AP1G1: variants seen among roughly 807,000 people sequenced by gnomAD.
The protein encoded by AP1G1 is adaptor related protein complex 1 subunit gamma 1.
In AP1G1, 7 loss-of-function variants were observed where a neutral mutation model predicts 108.3. The ratio of observed to expected loss-of-function variants is 0.06; its 90% CI spans 0.04 to 0.12. The LOEUF (loss-of-function observed/expected upper bound fraction) is 0.12. Among genes scored for constraint, AP1G1 ranks in the 10% least tolerant of loss-of-function variants. The pLI, the probability that AP1G1 is intolerant of heterozygous loss-of-function variation, is 1.00. For synonymous variants in AP1G1, 379 were observed against 353.5 expected, an observed-to-expected ratio of 1.07 and a Z score of -0.81; for missense variants, 756 against 1,010.7, an observed-to-expected ratio of 0.75 and a Z score of 3.42.
rs538432343 is a variant in AP1G1 at position 71,799,192 on chromosome 16, T to A, written c.-4+9571A>T. ...CAGTGGTTTCATGATATGGAGAAGT[T>A]ACTGCTATTTGGGATGAAAATTATG... On this transcript the variant is annotated intron_variant, in intron 1 of 22. Coordinates refer to ENST00000299980, the MANE Select transcript of AP1G1 (RefSeq NM_001128.6). 2.6e-5 allele frequency among the ~76,000 whole-genome samples: 4 copies of A among 152,294 alleles called. No homozygotes were observed. The South Asian group carries it at 8.3e-4, about 32-fold the overall frequency.
At chr16:71,735,850 T>C (rs377167618) in intron 21 of AP1G1, among the ~76,000 whole-genome samples, 2 of 151,088 alleles carry the variant, frequency 1.3e-5, no homozygotes, top group African/African-American at 4.9e-5. Flanking sequence ...TGTACAGATA[T>C]ATTACACTGG....
chr16:71,773,973 T>TA (rs2031673594), intron 3 of AP1G1, among the ~76,000 whole-genome samples: 1 of 149,218 alleles, frequency 6.7e-6, no homozygotes. Context: ...TTTCACCACA[T>TA]TGGCCAGGCT....
At chr16:71,769,049 G>C (rs569999608) in intron 6 of AP1G1, among the ~76,000 whole-genome samples, 8 of 146,236 alleles carry the variant, frequency 5.5e-5, no homozygotes, top group African/African-American at 2.0e-4. Context: ...TTGGGAGGCT[G>C]AGGCGGGCTG....
chr16:71,748,257 G>A lies in AP1G1; in HGVS notation c.1619C>T (p.Thr540Ile). The A allele has an allele frequency of 1.9e-6, 3 of 1,613,718 alleles. No individual in the cohort carries two copies. The highest frequency in any genetic ancestry group is 2.5e-6 in the Non-Finnish European group (3 of 1,179,914). Residue 540 changes from threonine (T) to isoleucine (I), a missense_variant, in exon 16 of 23, where the codon ACT becomes ATT. Around this residue, in one of 3 missense-constraint regions of AP1G1, gnomAD observed 357 missense variants for 366.5 expected, o/e 0.97. Coordinates refer to ENST00000299980, the MANE Select transcript of AP1G1 (RefSeq NM_001128.6). ...ATGTTTCTTCAATACTCACTTTACA[G>A]TACAAGTGAATCGAGTGGAAAGCTT... Reference protein sequence around the residue: ...IMKLSTRFTCTVNRIKKVVSI... With the variant: ...IMKLSTRFTCIVNRIKKVVSI...
chr16:71,762,727 G>A (rs778128389), intron 9 of AP1G1, among the ~76,000 whole-genome samples: 2 of 152,158 alleles, frequency 1.3e-5, no homozygotes, highest in Non-Finnish European at 2.9e-5. Flanking sequence ...CTTCCATCTG[G>A]CTGTTCATCT....
intron 1 of AP1G1, among the ~76,000 whole-genome samples, chr16:71,795,946 C>G (rs2032570939): frequency 6.6e-6 from 1 of 152,172 alleles, no homozygotes. Flanking sequence ...GAGATTAAAT[C>G]TGGGGATAGG....
At chr16:71,792,788 A>G (rs1006455528) in intron 1 of AP1G1, among the ~76,000 whole-genome samples, 10 of 151,750 alleles carry the variant, frequency 6.6e-5, no homozygotes, top group African/African-American at 1.5e-4. Flanking sequence ...CGGGAAGTGG[A>G]GATTGCAGTG....
At chr16:71,785,330 A>C (rs1298104557) in intron 2 of AP1G1, among the ~76,000 whole-genome samples, 1 of 152,192 alleles carries the variant, frequency 6.6e-6, no homozygotes, top group Admixed American at 6.5e-5. Context: ...TAATTCCAGC[A>C]CTTTGGGAGG....
At chr16:71,805,285 T>G (rs2032959192) in intron 1 of AP1G1, among the ~76,000 whole-genome samples, 1 of 151,826 alleles carries the variant, frequency 6.6e-6, no homozygotes, top group African/African-American at 2.4e-5. Context: ...CCGCCTCTAC[T>G]AAAAATACAA....
chr16:71,762,889 G>A (rs1465900900), intron 9 of AP1G1, among the ~76,000 whole-genome samples: 1 of 152,198 alleles, frequency 6.6e-6, no homozygotes, highest in East Asian at 1.9e-4. Flanking sequence ...TCTGAGCTTG[G>A]GAGTGGCATC....
Position 71,808,752 on chromosome 16 carries a change from G to C in AP1G1, c.-4+11C>G. The C allele has an allele frequency of 2.3e-6, 3 of 1,289,442 alleles. No individual in the cohort carries two copies. The highest frequency in any genetic ancestry group is 2.5e-5 in the South Asian group (2 of 81,014). The allele number at this position is 1,289,442 out of a possible 1,614,324, so 79.9% of individuals were successfully genotyped here. A position where few individuals can be genotyped will look rare whatever the true frequency, so the allele number is the denominator to read the frequency against. On this transcript the variant is annotated intron_variant, in intron 1 of 22. Transcript: ENST00000299980. ...CAGCAATATGCTCTCAGCGCCGGGA[G>C]TGACACTCACCGGCCCGAAACCTCG...
chr16:71,737,018 T>G (rs1012363008), intron 21 of AP1G1, among the ~76,000 whole-genome samples: 4 of 152,152 alleles, frequency 2.6e-5, no homozygotes, highest in Admixed American at 1.3e-4. Context: ...GTAACAAGTA[T>G]AAAACCTAAG....
chr16:71,733,193 CTGAAA>C, intron 22 of AP1G1, 34 bp from the exon 23 acceptor site: 1 of 1,530,152 alleles, frequency 6.5e-7, no homozygotes, highest in South Asian at 1.1e-5. Flanking sequence ...AAATTATATA[CTGAAA>C]TGAAATCTCC....
rs1359594150 is a variant in AP1G1, at chr16:71,764,398, A to G, written c.870T>C (p.Tyr290=). The change falls in exon 9 of 23, where the codon TAT becomes TAC. Residue 290 remains tyrosine, a synonymous_variant. Coordinates refer to ENST00000299980, the MANE Select transcript of AP1G1 (RefSeq NM_001128.6). ...TATCCATGATAGTCAAAACCGTTTC[A>G]TAAAGAATAGCATTTCCTACATTTT... The part of the protein sequence containing the change: ...TSKNVGNAIL[Y]ETVLTIMDIK... 1 of 1,610,962 alleles carries G rather than the reference A, an allele frequency of 6.2e-7. No individual in the cohort carries two copies. The highest frequency in any genetic ancestry group is 2.2e-5 in the East Asian group (1 of 44,712).
intron 1 of AP1G1, among the ~76,000 whole-genome samples, chr16:71,804,705 C>T (rs1327614829): frequency 2.0e-5 from 3 of 152,090 alleles, no homozygotes; most frequent in Non-Finnish European, 4.4e-5. Context: ...ACTGCACCAG[C>T]CTGCTCTCTT....
intron 2 of AP1G1, among the ~76,000 whole-genome samples, chr16:71,785,396 T>C (rs1427230867): frequency 3.3e-5 from 5 of 150,692 alleles, no homozygotes; most frequent in Non-Finnish European, 1.5e-5. Flanking sequence ...GACAACATGG[T>C]GAAACCCTGT....
Position 71,739,022 on chromosome 16 carries a change from C to T in AP1G1, c.2188G>A (p.Val730Ile), listed in dbSNP as rs997098328. Residue 730 changes from valine (V) to isoleucine (I), a missense_variant, in exon 21 of 23, where the codon GTA (valine) becomes ATA (isoleucine). This residue lies in a region of AP1G1 where 95 missense variants were observed against 160.5 expected (regional missense o/e 0.59). Coordinates refer to ENST00000299980, the MANE Select transcript of AP1G1 (RefSeq NM_001128.6). ...TFERSNTNPS[V>I]TVITIQASNS... The stretch of plus-strand genomic sequence containing the variant: ...GAGGCCTGTATCGTTATCACTGTTA[C>T]ACTGGGGTTGGTATTTGACCGTTCA... 2.5e-6 allele frequency: 4 copies of T among 1,614,022 alleles called. No homozygotes were observed. In the African/African-American group the frequency reaches 4.0e-5, roughly 16 times the overall value.
At chr16:71,760,113 C>T (rs1013449846) in intron 10 of AP1G1, among the ~76,000 whole-genome samples, 9 of 152,134 alleles carry the variant, frequency 5.9e-5, no homozygotes, top group African/African-American at 1.9e-4. Flanking sequence ...TCAAGCGTTC[C>T]TCCCACCTTA....
chr16:71,794,534 G>A (rs1428652321), intron 1 of AP1G1, among the ~76,000 whole-genome samples: 1 of 152,052 alleles, frequency 6.6e-6, no homozygotes, highest in African/African-American at 2.4e-5. Context: ...GATAAAAACA[G>A]AGGAAAAAAG....
Sources: gnomAD v4.1 joint callset for allele counts (sites outside exome capture counted in the v4.1 genomes callset) on GRCh38, gnomAD v4.1.1 for gene constraint, gnomAD v4.1.1 regional missense constraint, MANE v1.5 for transcripts, NCBI Gene and HGNC (gene_info 2026-07-23, HGNC 2026-07-21) for gene names.